DYNC2I2: variants seen among roughly 807,000 people sequenced by gnomAD.
The protein encoded by DYNC2I2 is dynein 2 intermediate chain 2.
Under a neutral mutation model 52.0 loss-of-function variants are expected in DYNC2I2, and 39 were observed. That is an observed-to-expected ratio of 0.75 (90% confidence interval 0.58 to 0.98). The LOEUF is 0.98. DYNC2I2 is among the 50% of genes least tolerant of loss of function. DYNC2I2 has a pLI of 0.00. For synonymous variants in DYNC2I2, 359 were observed against 321.1 expected (o/e 1.12, Z -1.26); for missense variants, 743 against 728.4 (o/e 1.02, Z -0.23).
At chr9:128,662,490 C>A in the DYNC2I2 span, among the ~76,000 whole-genome samples, 1 of 151,980 alleles carries the variant, frequency 6.6e-6, no homozygotes, top group East Asian at 1.9e-4. Flanking sequence ...CGGCTCACTG[C>A]AACCTACTTC....
chr9:128,674,266 C>T, the DYNC2I2 span, among the ~76,000 whole-genome samples: 6 of 151,820 alleles, frequency 4.0e-5, no homozygotes, highest in African/African-American at 1.5e-4. Context: ...TCCCGAGTCA[C>T]TGGGACTACA....
chr9:128,635,637 C>A, intron 5 of DYNC2I2, 21 bp downstream of exon 5: 1 of 1,581,230 alleles, frequency 6.3e-7, no homozygotes, highest in South Asian at 1.1e-5. Flanking sequence ...GCCCACCCCG[C>A]CCGGCAGCCC....
the DYNC2I2 span, among the ~76,000 whole-genome samples, chr9:128,671,535 C>T: frequency 1.3e-5 from 2 of 149,194 alleles, no homozygotes; most frequent in African/African-American, 2.5e-5. Flanking sequence ...GGGCAGTGGC[C>T]GATCTCGATT....
At chr9:128,643,209 ACT>A (rs1264887002) in intron 1 of DYNC2I2, among the ~76,000 whole-genome samples, 1 of 151,536 alleles carries the variant, frequency 6.6e-6, no homozygotes, top group African/African-American at 2.4e-5. Context: ...ACAGAGGGAA[ACT>A]CTGTACCTAC....
the DYNC2I2 span, among the ~76,000 whole-genome samples, chr9:128,665,399 C>G: frequency 3.3e-5 from 5 of 152,024 alleles, no homozygotes; most frequent in African/African-American, 1.2e-4. Flanking sequence ...TCATGTTAGT[C>G]TCACCGTTAT....
the DYNC2I2 span, among the ~76,000 whole-genome samples, chr9:128,664,465 T>G: frequency 1.3e-5 from 2 of 152,092 alleles, no homozygotes; most frequent in Non-Finnish European, 2.9e-5. Context: ...TTGTTCTAAA[T>G]ATGTCAATAC....
rs1035447097 is a variant in DYNC2I2, at chr9:128,634,065, A to G, written c.1373-83T>C. 13 of 1,568,470 alleles carry G rather than the reference A, an allele frequency of 8.3e-6. No individual in the cohort carries two copies. In the African/African-American group the frequency reaches 1.8e-4, roughly 21 times the overall value. ...AGGAGGAGGCTAATGCCCGGGTTCA[A>G]TCCTGTTGTGTGCAGCCACAGTGGC... On this transcript the variant is annotated intron_variant, in intron 8 of 8. Transcript: ENST00000372715.
chr9:128,645,270 C>A (rs1237046372), intron 1 of DYNC2I2, among the ~76,000 whole-genome samples: 1 of 151,810 alleles, frequency 6.6e-6, no homozygotes, highest in Admixed American at 6.6e-5. Flanking sequence ...CCAAGGCGGG[C>A]GGATCGCCTG....
the DYNC2I2 span, among the ~76,000 whole-genome samples, chr9:128,673,549 G>A: frequency 7.4e-5 from 11 of 147,974 alleles, no homozygotes; most frequent in East Asian, 2.0e-4. Context: ...TCTGTCACCC[G>A]GGCTGGAGTG....
chr9:128,635,527 C>T (rs1193199766), intron 5 of DYNC2I2, 131 bp downstream of exon 5: 1 of 895,788 alleles, frequency 1.1e-6, no homozygotes, highest in South Asian at 1.6e-5. Context: ...GTGACTCATG[C>T]TGCGGGAGCT....
chr9:128,684,126 A>T, the DYNC2I2 span: 8 of 761,000 alleles, frequency 1.1e-5, no homozygotes, highest in Non-Finnish European at 1.5e-5. Context: ...AAGGGTTTTA[A>T]ACCTGGGATG....
the DYNC2I2 span, among the ~76,000 whole-genome samples, chr9:128,684,428 C>G: frequency 2.3e-4 from 35 of 152,244 alleles, no homozygotes; most frequent in African/African-American, 8.2e-4. Flanking sequence ...CGGCCCACAA[C>G]TCTGGCCTGA....
rs139869850 is a variant in DYNC2I2 at position 128,652,724 on chromosome 9, A to T, written c.186+3817T>A. 1.9e-4 allele frequency among the ~76,000 whole-genome samples: 28 copies of T among 150,762 alleles called. No individual in the cohort carries two copies. In the East Asian group the frequency reaches 5.0e-3, roughly 27 times the overall value. ...CACCTGAGGTCGGGAGTTCGAAACCAGCCTGACCAACATGGAGAAACTCCC... is the reference window on the plus strand; with the variant it reads ...CACCTGAGGTCGGGAGTTCGAAACCTGCCTGACCAACATGGAGAAACTCCC... On this transcript the variant is annotated intron_variant, in intron 1 of 8. Coordinates refer to ENST00000372715, the MANE Select transcript of DYNC2I2 (RefSeq NM_052844.4).
upstream of DYNC2I2, among the ~76,000 whole-genome samples, chr9:128,659,289 A>C (rs1252065879): frequency 1.3e-5 from 2 of 151,032 alleles, no homozygotes; most frequent in African/African-American, 4.9e-5. Flanking sequence ...AGGTCAGGAG[A>C]TCGAGACCAT....
At chr9:128,657,954 A>G (rs1401459888), upstream of DYNC2I2, among the ~76,000 whole-genome samples, 1 of 152,106 alleles carries the variant, frequency 6.6e-6, no homozygotes, top group African/African-American at 2.4e-5. Flanking sequence ...TTGGCCAGGC[A>G]TAGTGGCACA....
intron 1 of DYNC2I2, among the ~76,000 whole-genome samples, chr9:128,644,055 C>CA (rs1860567126): frequency 6.6e-6 from 1 of 152,184 alleles, no homozygotes; most frequent in African/African-American, 2.4e-5. Context: ...GGCAGAATCT[C>CA]AAACTCCATG....
chr9:128,661,478 T>C (rs1354080683), upstream of DYNC2I2, among the ~76,000 whole-genome samples: 1 of 150,320 alleles, frequency 6.7e-6, no homozygotes, highest in Non-Finnish European at 1.5e-5. Flanking sequence ...ATTATACGGG[T>C]GACATAGCGG....
the DYNC2I2 span, among the ~76,000 whole-genome samples, chr9:128,668,223 T>C: frequency 6.6e-6 from 1 of 150,892 alleles, no homozygotes; most frequent in Non-Finnish European, 1.5e-5. Flanking sequence ...CCTCCCAAAG[T>C]GCTGGGATTA....
upstream of DYNC2I2, among the ~76,000 whole-genome samples, chr9:128,657,383 T>G (rs1158725616): frequency 6.6e-6 from 1 of 152,158 alleles, no homozygotes; most frequent in African/African-American, 2.4e-5. Context: ...TCTTTCTTAT[T>G]AAGTTCTCAC....
Sources: gnomAD v4.1 joint callset for allele counts (sites outside exome capture counted in the v4.1 genomes callset) on GRCh38, gnomAD v4.1.1 for gene constraint, MANE v1.5 for transcripts, NCBI Gene and HGNC (gene_info 2026-07-23, HGNC 2026-07-21) for gene names.